The following DTNB variants were observed in gnomAD, a reference collection of about 807,000 sequenced individuals.
DTNB encodes the protein DTN-B.
A neutral mutation model predicts 90.7 loss-of-function variants in DTNB; 63 were observed. The observed-to-expected ratio is 0.69, with a 90% CI of 0.57 to 0.86. The LOEUF (loss-of-function observed/expected upper bound fraction) is 0.86. Ranked by LOEUF, DTNB falls within the 40% of genes least tolerant of loss-of-function variation. DTNB has a pLI of 0.00. For missense variants in DTNB, 744 were observed against 807.1 expected (o/e 0.92, Z 0.95); for synonymous variants, 277 against 286.7 (o/e 0.97, Z 0.34).
chr2:25,593,506 G>GT (rs1304689231), intron 6 of DTNB, among the ~76,000 whole-genome samples: 1 of 152,004 alleles, frequency 6.6e-6, no homozygotes, highest in South Asian at 2.1e-4. Flanking sequence ...TCCCCTGAGG[G>GT]TTTTTTCTTT....
At chr2:25,546,700 C>G (rs1297842995) in intron 8 of DTNB, among the ~76,000 whole-genome samples, 1 of 152,160 alleles carries the variant, frequency 6.6e-6, no homozygotes, top group African/African-American at 2.4e-5. Flanking sequence ...AAGCTAAATT[C>G]TACATTTCAA....
At chr2:25,611,824 A>G (rs145606069) in intron 4 of DTNB, among the ~76,000 whole-genome samples, 102 of 152,212 alleles carry the variant, frequency 6.7e-4, no homozygotes, top group Middle Eastern at 3.4e-3. Context: ...GAAAAATAAT[A>G]CACTAAAATA....
chr2:25,398,212 C>T (rs2042887493), intron 16 of DTNB, among the ~76,000 whole-genome samples: 1 of 152,240 alleles, frequency 6.6e-6, no homozygotes, highest in Non-Finnish European at 1.5e-5. Flanking sequence ...TGCCCACCAT[C>T]AGCCTGGAAA....
At chr2:25,505,675 A>G (rs2150615386) in intron 9 of DTNB, among the ~76,000 whole-genome samples, 1 of 152,296 alleles carries the variant, frequency 6.6e-6, no homozygotes, top group African/African-American at 2.4e-5. Context: ...TACTTCTCCT[A>G]CTAAACCTTA....
At chr2:25,540,883 T>G (rs1335329606) in intron 8 of DTNB, among the ~76,000 whole-genome samples, 3 of 152,016 alleles carry the variant, frequency 2.0e-5, no homozygotes, top group Admixed American at 6.6e-5. Flanking sequence ...TAATCTCAAG[T>G]ACCCAGGGAC....
intron 8 of DTNB, among the ~76,000 whole-genome samples, chr2:25,535,877 G>GCAAT (rs2079573578): frequency 2.1e-5 from 3 of 142,264 alleles, no homozygotes; most frequent in Admixed American, 6.9e-5. Context: ...CCTCCCAGAG[G>GCAAT]GGGCGGCCAG....
intron 16 of DTNB, among the ~76,000 whole-genome samples, chr2:25,407,452 T>TC (rs2045487822): frequency 6.6e-6 from 1 of 152,134 alleles, no homozygotes; most frequent in Non-Finnish European, 1.5e-5. Context: ...AGTCATTATA[T>TC]GAAAAAGACA....
intron 9 of DTNB, among the ~76,000 whole-genome samples, chr2:25,515,679 A>T (rs1422052102): frequency 6.6e-6 from 1 of 151,982 alleles, no homozygotes; most frequent in Non-Finnish European, 1.5e-5. Flanking sequence ...CCTCCCGAGC[A>T]ATTCTCCTGC....
At chr2:25,463,121 C>T (rs199668348) in intron 10 of DTNB, among the ~76,000 whole-genome samples, 1 of 152,300 alleles carries the variant, frequency 6.6e-6, no homozygotes, top group South Asian at 2.1e-4. Flanking sequence ...CAACACCTCC[C>T]CTTGGGTGCC....
At chr2:25,584,051 A>G (rs1421683254) in intron 6 of DTNB, among the ~76,000 whole-genome samples, 1 of 152,200 alleles carries the variant, frequency 6.6e-6, no homozygotes, top group Non-Finnish European at 1.5e-5. Flanking sequence ...TCTGAGTTTC[A>G]GTTTTCTCAT....
At chr2:25,550,711 G>C (rs1461137641) in intron 8 of DTNB, among the ~76,000 whole-genome samples, 1 of 151,394 alleles carries the variant, frequency 6.6e-6, no homozygotes, top group Non-Finnish European at 1.5e-5. Flanking sequence ...GTGCAATGGC[G>C]TGATCTTGGC....
At chr2:25,391,693 T>G (rs1476893268) in intron 16 of DTNB, among the ~76,000 whole-genome samples, 2 of 152,088 alleles carry the variant, frequency 1.3e-5, no homozygotes, top group Non-Finnish European at 2.9e-5. Context: ...TCTCAGTAAA[T>G]TTAAGAAAAC....
intron 4 of DTNB, 81 bp from the exon 5 acceptor site, chr2:25,607,402 C>A: frequency 7.5e-7 from 1 of 1,335,878 alleles, no homozygotes; most frequent in Admixed American, 2.2e-5. Context: ...ACTGAGCAAC[C>A]CAGTAAGTTG....
chr2:25,470,649 T>G (rs1253095245), intron 10 of DTNB, among the ~76,000 whole-genome samples: 1 of 152,152 alleles, frequency 6.6e-6, no homozygotes, highest in Non-Finnish European at 1.5e-5. Flanking sequence ...AGTGCCAGGA[T>G]TACAGGTGTG....
At chr2:25,465,114 C>A (rs952042957) in intron 10 of DTNB, among the ~76,000 whole-genome samples, 1 of 152,170 alleles carries the variant, frequency 6.6e-6, no homozygotes, top group African/African-American at 2.4e-5. Context: ...GTGGCTCATA[C>A]CTGTAATCCC....
Position 25,455,396 on chromosome 2 carries a change from A to G in DTNB, c.1169+9T>C, listed in dbSNP as rs1258772789. The G allele has an allele frequency of 6.3e-7, 1 of 1,586,780 alleles. No individual in the cohort carries two copies. Among genetic ancestry groups the G allele is most frequent in the Admixed American group, 1.8e-5 (1 of 55,578 alleles). ...CGTGGCTACCCACTGCTGCTGCACCACCACTGACCGTGCACAGTGCTGCAG... is the reference window on the plus strand; with the variant it reads ...CGTGGCTACCCACTGCTGCTGCACCGCCACTGACCGTGCACAGTGCTGCAG... On this transcript the variant is annotated intron_variant, in intron 11 of 20. Coordinates refer to ENST00000406818, the MANE Select transcript of DTNB (RefSeq NM_021907.5).
intron 9 of DTNB, among the ~76,000 whole-genome samples, chr2:25,488,983 C>T (rs140808735): frequency 5.9e-5 from 9 of 152,078 alleles, no homozygotes; most frequent in East Asian, 1.9e-4. Flanking sequence ...TGTTTTTAGG[C>T]GGGGTAGGAG....
intron 14 of DTNB, among the ~76,000 whole-genome samples, chr2:25,429,118 G>A (rs575284709): frequency 2.6e-4 from 39 of 152,290 alleles, no homozygotes; most frequent in Non-Finnish European, 5.0e-4. Flanking sequence ...GAGATGCACG[G>A]CAATTGTAAC....
chr2:25,437,210 T>G (rs2056082056), intron 12 of DTNB, among the ~76,000 whole-genome samples: 1 of 152,200 alleles, frequency 6.6e-6, no homozygotes, highest in South Asian at 2.1e-4. Flanking sequence ...AATCAAACTT[T>G]AAATACAGTC....
Sources: gnomAD v4.1 joint callset for allele counts (sites outside exome capture counted in the v4.1 genomes callset) on GRCh38, gnomAD v4.1.1 for gene constraint, MANE v1.5 for transcripts, NCBI Gene and HGNC (gene_info 2026-07-23, HGNC 2026-07-21) for gene names.